PCDHGB1: variants seen among roughly 807,000 people sequenced by gnomAD.
The protein encoded by PCDHGB1 is protocadherin gamma subfamily B, 1.
In PCDHGB1, 34 loss-of-function variants were observed where a neutral mutation model predicts 56.6. That is an observed-to-expected ratio of 0.60 (90% CI 0.46 to 0.80). The LOEUF (loss-of-function observed/expected upper bound fraction) is 0.80. Ranked by LOEUF, PCDHGB1 falls within the 30% of genes least tolerant of loss-of-function variation. The probability of loss-of-function intolerance (pLI) is 0.00; values close to 1 mark genes in which losing one functional copy is unlikely to be tolerated. For synonymous variants in PCDHGB1, 561 were observed against 505.9 expected, an observed-to-expected ratio of 1.11 and a Z score of -1.46; for missense variants, 1,278 against 1,204.6, an observed-to-expected ratio of 1.06 and a Z score of -0.90.
At chr5:141,358,564 AGTGACTATGT>A (rs1760950785) in intron 1 of PCDHGB1, among the ~76,000 whole-genome samples, 1 of 152,222 alleles carries the variant, frequency 6.6e-6, no homozygotes, top group African/African-American at 2.4e-5. Context: ...ATGCACCAGA[AGTGACTATGT>A]GTGATTCCTC....
intron 1 of PCDHGB1, among the ~76,000 whole-genome samples, chr5:141,466,724 A>G (rs2099128017): frequency 6.6e-6 from 1 of 152,148 alleles, no homozygotes. Flanking sequence ...TTTCCATTTT[A>G]GCAGAATTCA....
At position 141,351,992 on chromosome 5, in the gene PCDHGB1, G is replaced by T. The variant is rs773093816; in HGVS notation, c.1732G>T (p.Ala578Ser). Residue 578 changes from alanine (A) to serine (S), a missense_variant, in exon 1 of 4, where the codon GCA becomes TCA. Coordinates refer to ENST00000523390, the MANE Select transcript of PCDHGB1 (RefSeq NM_018922.3). ...SALFDMVPRA[A>S]EPGYLVTKVV... ...CCTCTTCGATATGGTGCCACGCGCC[G>T]CAGAGCCCGGCTACCTGGTGACCAA... The T allele has an allele frequency of 1.9e-6, 3 of 1,611,004 alleles. No individual in the cohort carries two copies. Among genetic ancestry groups the T allele is most frequent in the Non-Finnish European group, 2.5e-6 (3 of 1,179,488 alleles).
intron 1 of PCDHGB1, among the ~76,000 whole-genome samples, chr5:141,455,902 TA>T (rs2098836291): frequency 6.7e-6 from 1 of 149,860 alleles, no homozygotes. Context: ...TTTATTTATT[TA>T]TTTATTTATT....
rs143638501 is a variant in PCDHGB1, at chr5:141,486,817, T to C, written c.2410-7990T>C. On this transcript the variant is annotated intron_variant, in intron 1 of 3. Coordinates refer to ENST00000523390, the MANE Select transcript of PCDHGB1 (RefSeq NM_018922.3). This position sits in a 1 kb window ranked among gnomAD's most constrained non-coding sequence, Gnocchi z 5.0. ...GGGGCAACCCACCCCTTAGCAGCACTGTAACAGTTCGTCTATTTGTGCTGG... is the reference window on the plus strand; with the variant it reads ...GGGGCAACCCACCCCTTAGCAGCACCGTAACAGTTCGTCTATTTGTGCTGG... 153 of 1,614,220 alleles carry C rather than the reference T, an allele frequency of 9.5e-5. 1 individual carries two copies. In the African/African-American group the frequency reaches 1.4e-3, roughly 15 times the overall value.
intron 1 of PCDHGB1, among the ~76,000 whole-genome samples, chr5:141,465,995 A>G (rs551920109): frequency 1.4e-3 from 208 of 151,976 alleles, no homozygotes; most frequent in African/African-American, 4.8e-3. Context: ...GGTGGCAGGC[A>G]CCTGTAGTCC....
Position 141,383,803 on chromosome 5 carries a change from T to C in PCDHGB1, c.2409+31134T>C, listed in dbSNP as rs141242913. 756 of 1,613,958 alleles carry C rather than the reference T, an allele frequency of 4.7e-4. 3 individuals carry two copies. The highest frequency in any genetic ancestry group is 8.2e-4 in the Middle Eastern group (5 of 6,062). ...TCTGAACTCGCTTACAGGAGAAATA[T>C]CAACTTTAGAAGGATTAGATTATGA... On this transcript the variant is annotated intron_variant, in intron 1 of 3. Transcript: ENST00000523390.
At chr5:141,372,205 T>C (rs750507972) in intron 1 of PCDHGB1, 2 of 1,613,426 alleles carry the variant, frequency 1.2e-6, no homozygotes, top group African/African-American at 2.7e-5. Context: ...AACGCCTGGC[T>C]GTCCTACCAC....
At chr5:141,422,344 C>A in intron 1 of PCDHGB1, 1 of 1,550,890 alleles carries the variant, frequency 6.4e-7, no homozygotes, top group Non-Finnish European at 8.7e-7. Flanking sequence ...TCTAAATGTG[C>A]AAGATCAAGA....
chr5:141,412,847 A>G (rs1206334568), intron 1 of PCDHGB1: 1 of 213,282 alleles, frequency 4.7e-6, no homozygotes, highest in Non-Finnish European at 9.1e-6. Flanking sequence ...AGGAGTGGAG[A>G]AACCAAAGAA....
Position 141,431,605 on chromosome 5 carries a change from G to A in PCDHGB1, c.2410-63202G>A. ...ATGCGGAAGTGAGGTATTCCTTCCGGTATGTGGACGACAAGGCGGCCCAAG... is the reference window on the plus strand; with the variant it reads ...ATGCGGAAGTGAGGTATTCCTTCCGATATGTGGACGACAAGGCGGCCCAAG... On this transcript the variant is annotated intron_variant, in intron 1 of 3. Transcript: ENST00000523390. This position sits in a 1 kb window ranked among gnomAD's most constrained non-coding sequence, Gnocchi z 4.8. 2 of 1,614,236 alleles carry A rather than the reference G, an allele frequency of 1.2e-6. No individual in the cohort carries two copies. The highest frequency in any genetic ancestry group is 1.7e-6 in the Non-Finnish European group (2 of 1,180,044).
rs377061064 is a variant in PCDHGB1, at chr5:141,505,429, C to A, written c.2505C>A (p.Asn835Lys). 1.2e-6 allele frequency: 2 copies of A among 1,614,116 alleles called. No homozygotes were observed. Among genetic ancestry groups the A allele is most frequent in the African/African-American group, 1.3e-5 (1 of 74,938 alleles). Residue 835 changes from asparagine (N) to lysine (K), a missense_variant, in exon 3 of 4, where the codon AAC becomes AAA. Asn to Lys is a moderately conservative substitution (Grantham distance 94, BLOSUM62 0). Coordinates refer to ENST00000523390, the MANE Select transcript of PCDHGB1 (RefSeq NM_018922.3). ...QNGDDTGTWP[N>K]NQFDTEMLQA... ...GCGATGACACCGGCACCTGGCCCAA[C>A]AACCAGTTTGACACAGAGATGCTGC...
intron 1 of PCDHGB1, 169 bp downstream of exon 1, chr5:141,352,838 A>G: frequency 1.4e-6 from 1 of 719,242 alleles, no homozygotes; most frequent in African/African-American, 1.8e-5. Flanking sequence ...AATTACAAAA[A>G]TTAGTTGGGT....
At chr5:141,497,807 T>G (rs2099779585) in intron 2 of PCDHGB1, among the ~76,000 whole-genome samples, 1 of 152,210 alleles carries the variant, frequency 6.6e-6, no homozygotes, top group African/African-American at 2.4e-5. Context: ...CCCAAAGTGC[T>G]AGAATTACAG....
chr5:141,400,145 A>T (rs543908773), intron 1 of PCDHGB1: 6 of 1,613,314 alleles, frequency 3.7e-6, no homozygotes, highest in Non-Finnish European at 4.2e-6. Flanking sequence ...GATATCACTG[A>T]CCGCCCTGTA....
intron 1 of PCDHGB1, among the ~76,000 whole-genome samples, chr5:141,363,586 A>T (rs1211336647): frequency 6.6e-6 from 1 of 152,232 alleles, no homozygotes; most frequent in Non-Finnish European, 1.5e-5. Context: ...TGCATAGTTA[A>T]CCCAACTCAA....
At chr5:141,478,169 G>T in intron 1 of PCDHGB1, 1 of 1,613,834 alleles carries the variant, frequency 6.2e-7, no homozygotes, top group Non-Finnish European at 8.5e-7. Flanking sequence ...TGCCCCCCGG[G>T]AGCAGAAAAA....
At chr5:141,405,403 T>A (rs1430892971) in intron 1 of PCDHGB1, 2 of 1,586,108 alleles carry the variant, frequency 1.3e-6, no homozygotes, top group Non-Finnish European at 1.7e-6. Flanking sequence ...TCTTTCTTTC[T>A]TTTCTTTTTT....
In PCDHGB1 at chr5:141,487,694, AC is replaced by A. The variant is rs1296386169; in HGVS notation, c.2410-7112del. On this transcript the variant is annotated intron_variant, in intron 1 of 3. Coordinates refer to ENST00000523390, the MANE Select transcript of PCDHGB1 (RefSeq NM_018922.3). The surrounding 1 kb of genome is among the most constrained non-coding windows in gnomAD (Gnocchi z 5.0). ...ATGGCTAGGCCATGTCCTAGAGAGT[AC>A]TGGCCTCTCAGTAAGTGCCCATAGT... is the stretch of plus-strand genomic sequence containing the variant. The A allele has an allele frequency of 6.2e-7, 1 of 1,602,048 alleles. No individual in the cohort carries two copies. The highest frequency in any genetic ancestry group is 2.2e-5 in the East Asian group (1 of 44,642).
Position 141,351,552 on chromosome 5 carries a change from G to T in PCDHGB1, c.1292G>T (p.Arg431Met), listed in dbSNP as rs1758750462. Residue 431 changes from arginine (R) to methionine (M), a missense_variant, in exon 1 of 4, where the codon AGG (arginine) becomes ATG (methionine). Arg to Met is a moderately conservative substitution (Grantham distance 91). Coordinates refer to ENST00000523390, the MANE Select transcript of PCDHGB1 (RefSeq NM_018922.3). ...TDKGKPALSS[R>M]TSITLHISDI... ...AAGGGCAAACCAGCCCTTTCCTCCA[G>T]GACAAGCATCACCCTGCACATCTCC... 2 of 1,614,026 alleles carry T rather than the reference G, an allele frequency of 1.2e-6. No individual in the cohort carries two copies. Among genetic ancestry groups the T allele is most frequent in the Non-Finnish European group, 8.5e-7 (1 of 1,179,896 alleles).
Sources: allele counts gnomAD v4.1 joint callset (sites outside exome capture counted in the v4.1 genomes callset), GRCh38; gene constraint gnomAD v4.1.1; non-coding constraint Gnocchi (gnomAD v3.1); transcripts MANE v1.5; gene names NCBI Gene and HGNC (gene_info 2026-07-23, HGNC 2026-07-21).